ZNF366: variants seen among roughly 807,000 people sequenced by gnomAD.
The protein encoded by ZNF366 is zinc finger protein 366, also known as dendritic cell-specific transcript protein.
A neutral mutation model predicts 47.2 loss-of-function variants in ZNF366; 20 were observed. The observed-to-expected ratio is 0.42, with a 90% CI of 0.30 to 0.62. ZNF366 has a LOEUF of 0.62. Ranked by LOEUF, ZNF366 falls within the 20% of genes least tolerant of loss-of-function variation. ZNF366 has a pLI of 0.16. For synonymous variants in ZNF366, 421 were observed against 395.1 expected (o/e 1.07, Z -0.78); for missense variants, 987 against 976.3 (o/e 1.01, Z -0.15).
Position 72,460,470 on chromosome 5 carries a change from C to T in ZNF366, c.1027G>A (p.Gly343Ser). 2 of 1,613,936 alleles carry T rather than the reference C, an allele frequency of 1.2e-6. No individual in the cohort carries two copies. Among genetic ancestry groups the T allele is most frequent in the South Asian group, 1.1e-5 (1 of 91,068 alleles). The change falls in exon 2 of 5, where the codon GGC (glycine) becomes AGC (serine). Residue 343 changes from glycine to serine, a missense_variant. Around this residue, in one of 3 missense-constraint regions of ZNF366, gnomAD observed 591 missense variants for 560.9 expected, o/e 1.05. Coordinates refer to ENST00000318442, the MANE Select transcript of ZNF366 (RefSeq NM_152625.3). ...EVKPHNCRVC[G>S]RGFAYPSELK... ...TCGCTGGGGTAGGCAAAGCCGCGGC[C>T]GCACACGCGGCAGTTGTGCGGCTTC...
chr5:72,463,795 G>C (rs957162732), intron 1 of ZNF366, among the ~76,000 whole-genome samples: 11 of 152,190 alleles, frequency 7.2e-5, no homozygotes, highest in African/African-American at 2.7e-4. Flanking sequence ...AATCCAGCAG[G>C]TCCTGATCTC....
intron 1 of ZNF366, among the ~76,000 whole-genome samples, chr5:72,495,817 G>A (rs1293713846): frequency 2.0e-5 from 3 of 152,104 alleles, no homozygotes; most frequent in Admixed American, 2.0e-4. Context: ...TGGCTGACCT[G>A]GGTCTCAACC....
At position 72,460,668 on chromosome 5, in the gene ZNF366, C is replaced by T; in HGVS notation, c.829G>A (p.Gly277Arg). ...NLVTHILGHS[G>R]IKPHACTHCG... The stretch of plus-strand genomic sequence containing the variant: ...TGCGTGCACGCGTGCGGCTTGATCC[C>T]ACTGTGGCCCAGGATGTGGGTGACC... The change falls in exon 2 of 5, where the codon GGG (glycine) becomes AGG (arginine). Residue 277 changes from glycine (G) to arginine (R), a missense_variant. By Grantham distance (125) the Gly-to-Arg change is moderately radical. This residue lies in a region of ZNF366 where 591 missense variants were observed against 560.9 expected (regional missense o/e 1.05). Transcript: ENST00000318442. 2.5e-6 allele frequency: 4 copies of T among 1,614,260 alleles called. No homozygotes were observed. Among genetic ancestry groups the T allele is most frequent in the Non-Finnish European group, 3.4e-6 (4 of 1,180,052 alleles).
intron 2 of ZNF366, 106 bp downstream of exon 2, chr5:72,460,059 G>A (rs1035183732): frequency 4.2e-6 from 6 of 1,440,084 alleles, no homozygotes; most frequent in African/African-American, 2.9e-5. Context: ...CCACCTCCTC[G>A]GGGTAAGGTG....
At chr5:72,445,469 G>A (rs1057048195) in intron 4 of ZNF366, among the ~76,000 whole-genome samples, 1 of 152,162 alleles carries the variant, frequency 6.6e-6, no homozygotes, top group African/African-American at 2.4e-5. Context: ...CAGGGGACAG[G>A]AAAGATCTTT....
Position 72,458,059 on chromosome 5 carries a change from C to T in ZNF366, c.1333-1464G>A, listed in dbSNP as rs555572884. On this transcript the variant is annotated intron_variant, in intron 2 of 4. Transcript: ENST00000318442. ...TGAGACGGAATCTCACTCTGTTGCC[C>T]AGGCTGGAGTGCAGTGGCGTGGTCT... Among the ~76,000 whole-genome samples the T allele has an allele frequency of 2.2e-3, 317 of 145,366 alleles. 1 individual carries two copies. Among genetic ancestry groups the T allele is most frequent in the Non-Finnish European group, 3.5e-3 (232 of 66,786 alleles).
At chr5:72,460,044 G>T (rs1294044613) in intron 2 of ZNF366, 121 bp downstream of exon 2, 3 of 1,351,780 alleles carry the variant, frequency 2.2e-6, no homozygotes, top group East Asian at 5.0e-5. Flanking sequence ...CTTGTCCGGG[G>T]TTGCCCACCT....
chr5:72,462,478 G>C (rs2112329857), intron 1 of ZNF366, among the ~76,000 whole-genome samples: 1 of 148,810 alleles, frequency 6.7e-6, no homozygotes, highest in South Asian at 2.1e-4. Flanking sequence ...TCTGAACAAG[G>C]GGCAGTGTTT....
intron 1 of ZNF366, among the ~76,000 whole-genome samples, chr5:72,501,446 C>A (rs1744208285): frequency 1.3e-5 from 2 of 152,180 alleles, no homozygotes; most frequent in African/African-American, 2.4e-5. Flanking sequence ...AAAATCCCAA[C>A]TTTTGTTACT....
chr5:72,444,151 T>C lies in ZNF366; in HGVS notation c.1840A>G (p.Ser614Gly). Reference protein sequence around the residue: ...FQSDGESAQGSHCHEEEEEDN... With the variant: ...FQSDGESAQGGHCHEEEEEDN... ...TCCTCTTCCTCCTCGTGGCAGTGGC[T>C]GCCCTGGGCACTCTCCCCGTCTGAC... The change falls in exon 5 of 5, where the codon AGC (serine) becomes GGC (glycine). Residue 614 changes from serine to glycine, a missense_variant. Around this residue, in one of 3 missense-constraint regions of ZNF366, gnomAD observed 285 missense variants for 234.8 expected, o/e 1.21. Coordinates refer to ENST00000318442, the MANE Select transcript of ZNF366 (RefSeq NM_152625.3). 6.2e-7 allele frequency: 1 copy of C among 1,613,736 alleles called. No homozygotes were observed. The highest frequency in any genetic ancestry group is 8.5e-7 in the Non-Finnish European group (1 of 1,180,042).
chr5:72,480,459 C>A (rs952186688), intron 1 of ZNF366, among the ~76,000 whole-genome samples: 4 of 151,926 alleles, frequency 2.6e-5, no homozygotes, highest in Admixed American at 2.6e-4. Flanking sequence ...ATATCCCTCC[C>A]TTCCTGTACT....
intron 4 of ZNF366, among the ~76,000 whole-genome samples, chr5:72,444,619 T>TA (rs55756665): frequency 4.6e-5 from 7 of 152,046 alleles, no homozygotes; most frequent in African/African-American, 1.2e-4. Flanking sequence ...ATTTTTTTTT[T>TA]ATCACAGTCA....
intron 1 of ZNF366, among the ~76,000 whole-genome samples, chr5:72,471,305 A>C (rs1363028217): frequency 6.6e-6 from 1 of 151,990 alleles, no homozygotes; most frequent in African/African-American, 2.4e-5. Flanking sequence ...TTTTCTCCCC[A>C]CTTTACATTT....
At chr5:72,493,074 C>G (rs548448922) in intron 1 of ZNF366, among the ~76,000 whole-genome samples, 3 of 152,292 alleles carry the variant, frequency 2.0e-5, no homozygotes, top group African/African-American at 7.2e-5. Flanking sequence ...GTCTTAATTG[C>G]CTGCCTGTGA....
intron 1 of ZNF366, among the ~76,000 whole-genome samples, chr5:72,494,002 A>G (rs908372927): frequency 7.1e-6 from 1 of 140,986 alleles, no homozygotes; most frequent in East Asian, 2.2e-4. Context: ...CGAACTCCTG[A>G]CCTTATGATC....
At chr5:72,482,672 G>A (rs368587331) in intron 1 of ZNF366, among the ~76,000 whole-genome samples, 9 of 151,926 alleles carry the variant, frequency 5.9e-5, no homozygotes, top group East Asian at 1.9e-4. Context: ...CACAGGCTCC[G>A]GAGAGCTGTT....
intron 1 of ZNF366, among the ~76,000 whole-genome samples, chr5:72,468,173 G>T (rs559083096): frequency 6.6e-6 from 1 of 152,196 alleles, no homozygotes; most frequent in Non-Finnish European, 1.5e-5. Context: ...GGCAGGAATA[G>T]AACGGTCTCA....
chr5:72,472,547 A>T (rs185402710), intron 1 of ZNF366: 3 of 985,298 alleles, frequency 3.0e-6, no homozygotes, highest in Non-Finnish European at 3.6e-6. Flanking sequence ...CTGACCTTCA[A>T]TTAACTGCAT....
Position 72,460,373 on chromosome 5 carries a change from G to C in ZNF366, c.1124C>G (p.Pro375Arg), listed in dbSNP as rs1231865507. 3.1e-6 allele frequency: 5 copies of C among 1,614,140 alleles called. No individual in the cohort carries two copies. The highest frequency in any genetic ancestry group is 1.3e-5 in the African/African-American group (1 of 74,956). The change falls in exon 2 of 5, where the codon CCC (proline) becomes CGC (arginine). Residue 375 changes from proline to arginine, a missense_variant. Pro to Arg is a moderately radical substitution (Grantham distance 103). Coordinates refer to ENST00000318442, the MANE Select transcript of ZNF366 (RefSeq NM_152625.3). ...NICVECGLDF[P>R]TLAQLKRHLT... ...GTGTCTCTTCAGCTGGGCCAAGGTG[G>C]GGAAGTCGAGGCCGCACTCCACACA...
Sources: allele counts gnomAD v4.1 joint callset (sites outside exome capture counted in the v4.1 genomes callset), GRCh38; gene constraint gnomAD v4.1.1; regional missense constraint gnomAD v4.1.1; transcripts MANE v1.5; gene names NCBI Gene and HGNC (gene_info 2026-07-23, HGNC 2026-07-21).